Variants in NEK11 observed in about 807,000 individuals in gnomAD.
The protein encoded by NEK11 is NIMA related kinase 11, also known as serine/threonine-protein kinase Nek11.
In NEK11, 72 loss-of-function variants were observed where a neutral mutation model predicts 80.7. The ratio of observed to expected loss-of-function variants is 0.89; its 90% CI spans 0.74 to 1.08. NEK11 has a LOEUF of 1.08. Ranked by LOEUF, NEK11 falls within the 50% of genes least tolerant of loss-of-function variation. The pLI is 0.00. For synonymous variants in NEK11, 251 were observed against 260.7 expected, an observed-to-expected ratio of 0.96 and a Z score of 0.36; for missense variants, 764 against 763.6, an observed-to-expected ratio of 1.00 and a Z score of -0.01.
At chr3:131,068,204 T>A (rs2072426445) in intron 3 of NEK11, among the ~76,000 whole-genome samples, 1 of 152,158 alleles carries the variant, frequency 6.6e-6, no homozygotes, top group African/African-American at 2.4e-5. Flanking sequence ...GCCCTGGCAG[T>A]CTTCCAGACC....
At chr3:131,271,156 G>A (rs2096177293) in intron 16 of NEK11, among the ~76,000 whole-genome samples, 1 of 152,144 alleles carries the variant, frequency 6.6e-6, no homozygotes, top group Admixed American at 6.5e-5. Flanking sequence ...TTTCTCTCCA[G>A]GTGTGGAAGG....
intron 15 of NEK11, among the ~76,000 whole-genome samples, chr3:131,241,199 AG>A (rs2095513563): frequency 6.6e-6 from 1 of 152,152 alleles, no homozygotes; most frequent in Non-Finnish European, 1.5e-5. Context: ...GAGTAAGAGC[AG>A]AGAAAGAGGA....
In NEK11 at chr3:131,349,611, CAA is replaced by C. The variant is rs1283491012; in HGVS notation, c.1774_1775del (p.Lys592GlufsTer8). On this transcript the variant is annotated frameshift_variant, in exon 18 of 18. Transcript: ENST00000383366. LOFTEE classifies it low-confidence loss of function (END_TRUNC). The part of the protein sequence containing the change: ...EVFEEVYNYL[K>X]RARHQNASEA... ...TATTTGAAGAGGTCTATAATTACCT[CAA>C]GAGAGCAAGGCATCAGAATGCTAGC... is the stretch of plus-strand genomic sequence containing the variant. 1.9e-6 allele frequency: 3 copies of C among 1,613,976 alleles called. No homozygotes were observed. Among genetic ancestry groups the C allele is most frequent in the Non-Finnish European group, 1.7e-6 (2 of 1,180,016 alleles).
intron 7 of NEK11, among the ~76,000 whole-genome samples, chr3:131,143,098 A>C (rs1458271128): frequency 6.6e-6 from 1 of 152,196 alleles, no homozygotes; most frequent in Non-Finnish European, 1.5e-5. Flanking sequence ...TTCAGTGCTC[A>C]AAAGCCAAAT....
intron 17 of NEK11, among the ~76,000 whole-genome samples, chr3:131,285,867 T>G (rs140385790): frequency 6.4e-4 from 98 of 152,326 alleles, no homozygotes; most frequent in African/African-American, 2.1e-3. Flanking sequence ...ATCAGAGAGA[T>G]AAATCGCTAT....
At chr3:131,333,896 T>C (rs1299515694) in intron 17 of NEK11, among the ~76,000 whole-genome samples, 2 of 151,782 alleles carry the variant, frequency 1.3e-5, no homozygotes, top group African/African-American at 4.8e-5. Context: ...GGTAAAGGGA[T>C]CAATTCAACA....
chr3:131,226,821 T>C (rs1165716817), intron 14 of NEK11, among the ~76,000 whole-genome samples: 1 of 152,104 alleles, frequency 6.6e-6, no homozygotes, highest in Non-Finnish European at 1.5e-5. Flanking sequence ...ATGCAAAAGG[T>C]ATTGAAGTTC....
At chr3:131,220,332 T>A (rs999081062) in intron 14 of NEK11, among the ~76,000 whole-genome samples, 2 of 151,460 alleles carry the variant, frequency 1.3e-5, no homozygotes, top group African/African-American at 4.8e-5. Context: ...GAGAAAATAA[T>A]ATTTTTATTT....
chr3:131,277,273 G>T (rs2096309493), intron 17 of NEK11, among the ~76,000 whole-genome samples: 1 of 152,122 alleles, frequency 6.6e-6, no homozygotes, highest in Admixed American at 6.5e-5. Flanking sequence ...TACTTTTAAG[G>T]AAGTCCTATT....
intron 3 of NEK11, among the ~76,000 whole-genome samples, chr3:131,072,751 G>C (rs2073634910): frequency 6.6e-6 from 1 of 152,086 alleles, no homozygotes; most frequent in Non-Finnish European, 1.5e-5. Flanking sequence ...TCATATTGTA[G>C]GTAAAAGAAG....
chr3:131,105,423 A>G (rs1476147940), intron 4 of NEK11, among the ~76,000 whole-genome samples: 1 of 152,218 alleles, frequency 6.6e-6, no homozygotes, highest in Non-Finnish European at 1.5e-5. Context: ...TTTCTTTCCC[A>G]AGGTTTCCCT....
At chr3:131,344,681 G>A (rs2097335366) in intron 17 of NEK11, among the ~76,000 whole-genome samples, 1 of 152,210 alleles carries the variant, frequency 6.6e-6, no homozygotes, top group Non-Finnish European at 1.5e-5. Context: ...ACCAACATCT[G>A]CTTGGCTTCT....
intron 4 of NEK11, among the ~76,000 whole-genome samples, chr3:131,103,840 A>G (rs1033903369): frequency 1.3e-5 from 2 of 152,296 alleles, no homozygotes; most frequent in African/African-American, 2.4e-5. Context: ...CAAGTGCCTT[A>G]GTACTCCTAG....
intron 16 of NEK11, among the ~76,000 whole-genome samples, chr3:131,253,594 C>G (rs2095749985): frequency 6.6e-6 from 1 of 152,084 alleles, no homozygotes; most frequent in Non-Finnish European, 1.5e-5. Context: ...AGCCAAATGT[C>G]ACAGATAGAG....
At chr3:131,256,007 C>A (rs1213611568) in intron 16 of NEK11, among the ~76,000 whole-genome samples, 2 of 152,138 alleles carry the variant, frequency 1.3e-5, no homozygotes, top group Non-Finnish European at 2.9e-5. Flanking sequence ...ATTCATAAAT[C>A]ATTCTTTGCT....
intron 16 of NEK11, among the ~76,000 whole-genome samples, chr3:131,270,358 C>A (rs1458961133): frequency 6.6e-6 from 1 of 152,186 alleles, no homozygotes; most frequent in African/African-American, 2.4e-5. Context: ...CACCTGGGAA[C>A]ATATGGAAAC....
intron 17 of NEK11, among the ~76,000 whole-genome samples, chr3:131,288,455 T>TTCTTTCTTTC (rs2096501666): frequency 1.4e-5 from 2 of 145,536 alleles, no homozygotes; most frequent in East Asian, 2.0e-4. Flanking sequence ...TCTTTCTTTT[T>TTCTTTCTTTC]TTTTTTTTTT....
chr3:131,075,203 A>G (rs1239652687), intron 3 of NEK11, among the ~76,000 whole-genome samples: 2 of 152,198 alleles, frequency 1.3e-5, no homozygotes, highest in Non-Finnish European at 2.9e-5. Flanking sequence ...CCCCCGAATG[A>G]GCTAGTTCCA....
At chr3:131,174,881 A>G (rs1326901197) in intron 14 of NEK11, 3 of 1,519,118 alleles carry the variant, frequency 2.0e-6, no homozygotes, top group Admixed American at 2.4e-5. Flanking sequence ...AGATGTGGAG[A>G]ATGCAGTGAA....
Sources: allele counts gnomAD v4.1 joint callset (sites outside exome capture counted in the v4.1 genomes callset), GRCh38; gene constraint gnomAD v4.1.1; transcripts MANE v1.5; gene names NCBI Gene and HGNC (gene_info 2026-07-23, HGNC 2026-07-21).